Variants in SYN3 observed in about 807,000 individuals in gnomAD.
The protein encoded by SYN3 is synapsin-3.
Under a neutral mutation model 65.8 loss-of-function variants are expected in SYN3, and 35 were observed. The ratio of observed to expected loss-of-function variants is 0.53; its 90% CI spans 0.41 to 0.70. The LOEUF (loss-of-function observed/expected upper bound fraction) is 0.70, where lower values mean the gene tolerates loss of function less well. Among genes scored for constraint, SYN3 ranks in the 30% least tolerant of loss-of-function variants. The pLI is 0.00. For missense variants in SYN3, 680 were observed against 749.0 expected (o/e 0.91, Z 1.08); for synonymous variants, 270 against 292.9 (o/e 0.92, Z 0.80).
chr22:32,893,217 C>T (rs149342940), intron 4 of SYN3, among the ~76,000 whole-genome samples: 192 of 152,282 alleles, frequency 1.3e-3, no homozygotes, highest in South Asian at 2.5e-3. Flanking sequence ...GTTTGCTCTG[C>T]CCCCCTCCCA....
chr22:32,571,191 G>A (rs888274303), intron 7 of SYN3, among the ~76,000 whole-genome samples: 2 of 152,118 alleles, frequency 1.3e-5, no homozygotes, highest in African/African-American at 4.8e-5. Context: ...GTCTGAGAAG[G>A]AGCAAACTTC....
At position 33,008,924 on chromosome 22, in the gene SYN3, CAAAAAAAAAAAAAAA is replaced by C. The variant is rs201719238; in HGVS notation, c.-162-2115_-162-2101del. Among the ~76,000 whole-genome samples the C allele has an allele frequency of 5.9e-3, 334 of 57,024 alleles. 1 individual carries two copies. Among genetic ancestry groups the C allele is most frequent in the South Asian group, 0.029 (26 of 902 alleles). 37.4% of individuals were successfully genotyped at this position (57,024 alleles called of 152,430 possible). ...TGGGTGACAGAGTAAGACTTTATCT[CAAAAAAAAAAAAAAA>C]AAAAAAAAAAAAAAAAAAAAAAAAG... On this transcript the variant is annotated intron_variant, in intron 1 of 13. Transcript: ENST00000358763.
chr22:32,708,662 G>A (rs2060912828), intron 6 of SYN3, among the ~76,000 whole-genome samples: 1 of 152,216 alleles, frequency 6.6e-6, no homozygotes, highest in Non-Finnish European at 1.5e-5. Flanking sequence ...CTTGCCTGAG[G>A]CAGGAACTCT....
chr22:32,946,392 G>A (rs1405830699), intron 3 of SYN3, among the ~76,000 whole-genome samples: 1 of 152,158 alleles, frequency 6.6e-6, no homozygotes, highest in Non-Finnish European at 1.5e-5. Flanking sequence ...GTCCTTTGTA[G>A]GGACATCGAT....
intron 7 of SYN3, among the ~76,000 whole-genome samples, chr22:32,593,860 T>C (rs748649188): frequency 2.0e-5 from 3 of 151,902 alleles, no homozygotes; most frequent in Non-Finnish European, 4.4e-5. Context: ...TTAGGGATGA[T>C]GCAGGAAGAA....
At chr22:32,754,401 C>T (rs1285288231) in intron 6 of SYN3, among the ~76,000 whole-genome samples, 1 of 152,194 alleles carries the variant, frequency 6.6e-6, no homozygotes, top group African/African-American at 2.4e-5. Flanking sequence ...ATCTGCCCGC[C>T]TTGGCCTCCC....
intron 6 of SYN3, among the ~76,000 whole-genome samples, chr22:32,630,856 C>T (rs7291935): frequency 0.1 from 15,464 of 152,176 alleles, 1,805 homozygotes; most frequent in African/African-American, 0.29. Context: ...CTATGAGAAG[C>T]CAAATACAGG....
chr22:32,882,166 C>T (rs904280544), intron 4 of SYN3, among the ~76,000 whole-genome samples: 3 of 152,210 alleles, frequency 2.0e-5, no homozygotes, highest in East Asian at 3.9e-4. Flanking sequence ...GATGGTCTTC[C>T]CTGACAAGCT....
chr22:32,762,877 A>G (rs2045522754), intron 6 of SYN3, among the ~76,000 whole-genome samples: 1 of 152,208 alleles, frequency 6.6e-6, no homozygotes, highest in South Asian at 2.1e-4. Flanking sequence ...TGCACAGGGA[A>G]GAGCTTGGTA....
intron 7 of SYN3, among the ~76,000 whole-genome samples, chr22:32,549,318 A>T (rs1490725887): frequency 6.6e-6 from 1 of 152,004 alleles, no homozygotes; most frequent in Non-Finnish European, 1.5e-5. Context: ...CAGTGGCATG[A>T]TCATGGCTTA....
At chr22:32,805,363 TTTC>T (rs2046700256) in intron 6 of SYN3, among the ~76,000 whole-genome samples, 1 of 152,124 alleles carries the variant, frequency 6.6e-6, no homozygotes. Flanking sequence ...AAGAAGCCAT[TTTC>T]AAAGAAACCA....
chr22:32,796,050 A>G (rs1238868147), intron 6 of SYN3, among the ~76,000 whole-genome samples: 1 of 152,212 alleles, frequency 6.6e-6, no homozygotes, highest in Admixed American at 6.5e-5. Flanking sequence ...CAACCTTCAA[A>G]GAAACCACAA....
chr22:32,873,906 C>T (rs2048917061), intron 4 of SYN3, among the ~76,000 whole-genome samples: 1 of 151,758 alleles, frequency 6.6e-6, no homozygotes, highest in African/African-American at 2.4e-5. Context: ...GTGGGCGGAT[C>T]ACTTAAGGCC....
chr22:32,920,896 C>T (rs1394734141), intron 4 of SYN3, among the ~76,000 whole-genome samples: 1 of 152,118 alleles, frequency 6.6e-6, no homozygotes, highest in Non-Finnish European at 1.5e-5. Flanking sequence ...TGCTTTAGTG[C>T]CATGACTTTG....
chr22:32,663,365 C>T (rs1314774038), intron 6 of SYN3, among the ~76,000 whole-genome samples: 1 of 150,422 alleles, frequency 6.6e-6, no homozygotes, highest in East Asian at 2.0e-4. Flanking sequence ...GTGGCGCCAT[C>T]TTGGCTCACT....
chr22:33,003,380 G>A (rs1314594834), intron 2 of SYN3, among the ~76,000 whole-genome samples: 7 of 152,204 alleles, frequency 4.6e-5, no homozygotes, highest in Non-Finnish European at 8.8e-5. Context: ...ACAAGAAGAC[G>A]TGGGAAAGTT....
At chr22:32,805,055 T>C (rs964788096) in intron 6 of SYN3, among the ~76,000 whole-genome samples, 1 of 152,128 alleles carries the variant, frequency 6.6e-6, no homozygotes, top group Non-Finnish European at 1.5e-5. Context: ...GTGTGTGGCT[T>C]CTGCAAAGGT....
At chr22:32,695,305 A>G (rs949895558) in intron 6 of SYN3, among the ~76,000 whole-genome samples, 19 of 152,122 alleles carry the variant, frequency 1.2e-4, no homozygotes, top group Non-Finnish European at 2.1e-4. Context: ...CATTCTGCTG[A>G]TGCTAATTTT....
intron 6 of SYN3, among the ~76,000 whole-genome samples, chr22:32,740,754 A>G (rs1489254871): frequency 6.6e-6 from 1 of 152,190 alleles, no homozygotes; most frequent in African/African-American, 2.4e-5. Context: ...TTCTTGAATT[A>G]CAGCCATTCA....
Sources: gnomAD v4.1 joint callset for allele counts (sites outside exome capture counted in the v4.1 genomes callset) on GRCh38, gnomAD v4.1.1 for gene constraint, MANE v1.5 for transcripts, NCBI Gene and HGNC (gene_info 2026-07-23, HGNC 2026-07-21) for gene names.